The following ZFHX3 variants were observed in gnomAD, a reference collection of about 807,000 sequenced individuals.
ZFHX3 encodes the protein zinc finger homeobox 3, also known as zinc finger homeobox protein 3.
ZFHX3 carries 42 observed loss-of-function variants against 279.1 expected under a neutral mutation model. The observed-to-expected ratio is 0.15, with a 90% CI of 0.12 to 0.19. The LOEUF (loss-of-function observed/expected upper bound fraction) is 0.19. Among genes scored for constraint, ZFHX3 ranks in the 10% least tolerant of loss-of-function variants. ZFHX3 has a pLI of 1.00. For missense variants in ZFHX3, 4,981 were observed against 4,754.0 expected, an observed-to-expected ratio of 1.05 and a Z score of -1.40; for synonymous variants, 2,293 against 1,957.8, an observed-to-expected ratio of 1.17 and a Z score of -4.52.
chr16:73,360,789 C>T (rs1179842685), intron 3 of ZFHX3, among the ~76,000 whole-genome samples: 1 of 152,080 alleles, frequency 6.6e-6, no homozygotes, highest in Non-Finnish European at 1.5e-5. Flanking sequence ...TGATAGGAGA[C>T]CTAGAAGTTC....
chr16:73,665,771 G>A (rs924999586), intron 2 of ZFHX3, among the ~76,000 whole-genome samples: 1 of 146,398 alleles, frequency 6.8e-6, no homozygotes, highest in African/African-American at 2.5e-5. Flanking sequence ...ATTTTTTACT[G>A]TACCACATGA....
intron 5 of ZFHX3, among the ~76,000 whole-genome samples, chr16:73,181,802 T>C (rs1967801949): frequency 6.6e-6 from 1 of 152,134 alleles, no homozygotes; most frequent in Non-Finnish European, 1.5e-5. Flanking sequence ...GGGCGTTCTG[T>C]GAACTATGTA....
rs757794567 is a variant in ZFHX3, at chr16:72,957,812, A to AGCCGCCGCC, written c.2333_2334insGGCGGCGGC (p.Ala782_Ala784dup). 3 of 1,582,012 alleles carry AGCCGCCGCC rather than the reference A, an allele frequency of 1.9e-6. No individual in the cohort carries two copies. Among genetic ancestry groups the AGCCGCCGCC allele is most frequent in the East Asian group, 2.2e-5 (1 of 44,480 alleles). ...TGATATTGGCTGCCGCCGCCGCCGCAGCCACCGCCGCCGCCGCCGCCCCGG... is the reference window on the plus strand; with the variant it reads ...TGATATTGGCTGCCGCCGCCGCCGCAGCCGCCGCCGCCACCGCCGCCGCCGCCGCCCCGG... On this transcript the variant is annotated inframe_insertion, in exon 2 of 10. Coordinates refer to ENST00000268489, the MANE Select transcript of ZFHX3 (RefSeq NM_006885.4).
intron 2 of ZFHX3, among the ~76,000 whole-genome samples, chr16:73,599,710 A>C (rs986050705): frequency 1.4e-5 from 2 of 147,038 alleles, no homozygotes; most frequent in African/African-American, 5.1e-5. Context: ...AATGAATAAT[A>C]AATTCCAGAT....
At chr16:73,047,126 T>A (rs971407882) in intron 1 of ZFHX3, among the ~76,000 whole-genome samples, 1 of 152,174 alleles carries the variant, frequency 6.6e-6, no homozygotes, top group Non-Finnish European at 1.5e-5. Flanking sequence ...ATGCTTCTTT[T>A]TGTTGTTATT....
At chr16:73,022,618 C>T (rs1185408562) in intron 1 of ZFHX3, among the ~76,000 whole-genome samples, 1 of 152,116 alleles carries the variant, frequency 6.6e-6, no homozygotes, top group Non-Finnish European at 1.5e-5. Context: ...AGCAAAATCA[C>T]CCCCTACGGA....
chr16:72,998,616 C>A (rs1030738634), intron 1 of ZFHX3, among the ~76,000 whole-genome samples: 1 of 152,174 alleles, frequency 6.6e-6, no homozygotes, highest in Non-Finnish European at 1.5e-5. Context: ...ATTTCGGGTG[C>A]TTAGGGGCCA....
At chr16:72,926,439 T>C (rs535559362) in intron 3 of ZFHX3, among the ~76,000 whole-genome samples, 2 of 152,300 alleles carry the variant, frequency 1.3e-5, no homozygotes, top group Admixed American at 6.5e-5. Flanking sequence ...TACAACTCTT[T>C]AAAAATGAAT....
intron 4 of ZFHX3, among the ~76,000 whole-genome samples, chr16:73,306,956 T>C (rs1281284132): frequency 6.6e-6 from 1 of 152,236 alleles, no homozygotes; most frequent in African/African-American, 2.4e-5. Context: ...CTGATCAAGT[T>C]ACCAATGGTG....
chr16:72,911,473 A>C (rs1035217111), intron 3 of ZFHX3, among the ~76,000 whole-genome samples: 3 of 152,102 alleles, frequency 2.0e-5, no homozygotes, highest in African/African-American at 7.2e-5. Context: ...TTACCTTCCT[A>C]ATTAGGGCTT....
intron 1 of ZFHX3, among the ~76,000 whole-genome samples, chr16:73,812,446 C>G (rs1384862834): frequency 1.3e-5 from 2 of 152,178 alleles, no homozygotes; most frequent in African/African-American, 2.4e-5. Context: ...TCCAGAAAGT[C>G]TTGCAAACTG....
intron 5 of ZFHX3, among the ~76,000 whole-genome samples, 168 bp from the exon 6 acceptor site, chr16:72,812,206 A>T (rs1311924680): frequency 6.6e-6 from 1 of 152,226 alleles, no homozygotes; most frequent in Non-Finnish European, 1.5e-5. Context: ...GTTGGAAAAG[A>T]AGCAAGTGTT....
In ZFHX3 at chr16:72,798,049, A is replaced by G; in HGVS notation, c.4633T>C (p.Tyr1545His). 1.2e-6 allele frequency: 2 copies of G among 1,614,192 alleles called. No individual in the cohort carries two copies. The highest frequency in any genetic ancestry group is 1.7e-6 in the Non-Finnish European group (2 of 1,180,036). Residue 1545 changes from tyrosine to histidine, a missense_variant, in exon 9 of 10, where the codon TAC becomes CAC. Physicochemically the swap from Tyr to His is moderately conservative, Grantham distance 83 (BLOSUM62 2). Coordinates refer to ENST00000268489, the MANE Select transcript of ZFHX3 (RefSeq NM_006885.4). ...GATTCCTTGCAGACGGTACACTTGT[A>G]AGGGCGAGAAGGGTCTAGGAACTTT... The part of the protein sequence containing the change: ...MEKFLDPSRP[Y>H]KCTVCKESFT...
chr16:73,555,070 C>G (rs1215912722), intron 2 of ZFHX3, among the ~76,000 whole-genome samples: 1 of 152,148 alleles, frequency 6.6e-6, no homozygotes, highest in Non-Finnish European at 1.5e-5. Flanking sequence ...AATCTGCTAG[C>G]TTTGGGAGAA....
In ZFHX3 at chr16:72,786,026, C is replaced by T. The variant is rs1377534114; in HGVS notation, c.*1138G>A. 1.3e-5 allele frequency: 2 copies of T among 152,016 alleles called. No individual in the cohort carries two copies. Among genetic ancestry groups the T allele is most frequent in the Non-Finnish European group, 2.9e-5 (2 of 68,030 alleles). The allele number at this position is 152,016 out of a possible 1,614,324, so 9.4% of individuals were successfully genotyped here. On this transcript the variant is annotated 3_prime_UTR_variant, in exon 10 of 10. Transcript: ENST00000268489. ...AGCTCCCTCTAAGAAATGAAGGCAG[C>T]TACCTTAAGTGGGAGATTATAGGAC...
chr16:72,932,129 G>A (rs1959847122), intron 3 of ZFHX3, among the ~76,000 whole-genome samples: 1 of 152,128 alleles, frequency 6.6e-6, no homozygotes, highest in South Asian at 2.1e-4. Context: ...TGTACTCTAT[G>A]CCAGTTTCCA....
rs1448986204 is a variant in ZFHX3, at chr16:72,927,806, T to C, written c.3216+22663A>G. ...CGGAGTGTACACTAACCACAAGCCTTTGAGTGGCTCATGTATTTACAAACT... is the reference window on the plus strand; with the variant it reads ...CGGAGTGTACACTAACCACAAGCCTCTGAGTGGCTCATGTATTTACAAACT... On this transcript the variant is annotated intron_variant, in intron 3 of 9. Transcript: ENST00000268489. Among the ~76,000 whole-genome samples, 4 of 151,930 alleles carry C rather than the reference T, an allele frequency of 2.6e-5. No homozygotes were observed. The South Asian group carries it at 6.2e-4, about 24-fold the overall frequency.
intron 4 of ZFHX3, among the ~76,000 whole-genome samples, chr16:72,871,834 C>G (rs1426848494): frequency 6.6e-6 from 1 of 151,854 alleles, no homozygotes; most frequent in African/African-American, 2.4e-5. Context: ...GCCTGTAATC[C>G]CAACACTTTG....
At chr16:73,460,954 G>T (rs191765555) in intron 2 of ZFHX3, among the ~76,000 whole-genome samples, 1 of 152,182 alleles carries the variant, frequency 6.6e-6, no homozygotes, top group Non-Finnish European at 1.5e-5. Context: ...TTCCTGTACA[G>T]GCTGCAGAAC....
Sources: allele counts gnomAD v4.1 joint callset (sites outside exome capture counted in the v4.1 genomes callset), GRCh38; gene constraint gnomAD v4.1.1; transcripts MANE v1.5; gene names NCBI Gene and HGNC (gene_info 2026-07-23, HGNC 2026-07-21).